The following GAB2 variants were observed in gnomAD, a reference collection of about 807,000 sequenced individuals.
GAB2 encodes the protein GRB2-associated-binding protein 2.
In GAB2, 26 loss-of-function variants were observed where a neutral mutation model predicts 65.5. That is an observed-to-expected ratio of 0.40 (90% CI 0.29 to 0.55). The LOEUF is 0.55. Among genes scored for constraint, GAB2 ranks in the 20% least tolerant of loss-of-function variants. GAB2 has a pLI of 0.53. For synonymous variants in GAB2, 321 were observed against 329.6 expected, an observed-to-expected ratio of 0.97 and a Z score of 0.28; for missense variants, 884 against 875.8, an observed-to-expected ratio of 1.01 and a Z score of -0.12.
chr11:78,226,998 G>A lies in GAB2; in HGVS notation c.674C>T (p.Thr225Ile), dbSNP rs762233222. ...TRASFLMRSD[T>I]AVQKLAQGNG... ...GCCCTGGGCAAGTTTTTGTACAGCT[G>A]TGTCACTCCTCATGAGAAAAGAGGC... The change falls in exon 4 of 10, where the codon ACA becomes ATA. Residue 225 changes from threonine (T) to isoleucine (I), a missense_variant. Coordinates refer to ENST00000361507, the MANE Select transcript of GAB2 (RefSeq NM_080491.3). 25 of 1,613,496 alleles carry A rather than the reference G, an allele frequency of 1.5e-5. No individual in the cohort carries two copies. The highest frequency in any genetic ancestry group is 1.9e-5 in the Non-Finnish European group (22 of 1,179,852).
At chr11:78,247,581 C>T (rs1024364424) in intron 3 of GAB2, among the ~76,000 whole-genome samples, 3 of 152,058 alleles carry the variant, frequency 2.0e-5, no homozygotes, top group South Asian at 2.1e-4. Flanking sequence ...TGAATATTCT[C>T]GACGATATAT....
chr11:78,347,520 T>C (rs1311939390), intron 1 of GAB2, among the ~76,000 whole-genome samples: 1 of 152,206 alleles, frequency 6.6e-6, no homozygotes, highest in Non-Finnish European at 1.5e-5. Flanking sequence ...AAAATAAGGA[T>C]AATTATCTTA....
At chr11:78,300,686 T>TG (rs1450709251) in intron 1 of GAB2, among the ~76,000 whole-genome samples, 1 of 122,536 alleles carries the variant, frequency 8.2e-6, no homozygotes, top group African/African-American at 3.5e-5. Context: ...TTTTTTTTGG[T>TG]TTTTTTTTGT....
chr11:78,374,785 A>C (rs560308255), intron 1 of GAB2, among the ~76,000 whole-genome samples: 13 of 152,202 alleles, frequency 8.5e-5, no homozygotes, highest in Non-Finnish European at 1.6e-4. Context: ...GGGTGGATAG[A>C]CACACCAGGA....
chr11:78,373,453 G>T (rs1028929860), intron 1 of GAB2, among the ~76,000 whole-genome samples: 7 of 152,014 alleles, frequency 4.6e-5, no homozygotes, highest in Non-Finnish European at 1.5e-5. Flanking sequence ...GGTCAGGCTG[G>T]TCTTGGACTA....
intron 3 of GAB2, among the ~76,000 whole-genome samples, chr11:78,228,422 T>A (rs1299362947): frequency 6.6e-6 from 1 of 152,192 alleles, no homozygotes; most frequent in Non-Finnish European, 1.5e-5. Flanking sequence ...TCTTGGAGTG[T>A]CTCATCAGAA....
At chr11:78,363,968 C>T (rs1290654719) in intron 1 of GAB2, 1 of 152,012 alleles carries the variant, frequency 6.6e-6, no homozygotes, top group African/African-American at 2.4e-5. Flanking sequence ...ACCCACAGAC[C>T]TAAGGGAAAG....
At chr11:78,392,197 C>A (rs1856842274) in intron 1 of GAB2, 1 of 150,790 alleles carries the variant, frequency 6.6e-6, no homozygotes, top group Non-Finnish European at 1.5e-5. Flanking sequence ...GAGATTCTGC[C>A]ACTGCACCAT....
At chr11:78,312,551 G>A (rs748556756) in intron 1 of GAB2, among the ~76,000 whole-genome samples, 1 of 151,870 alleles carries the variant, frequency 6.6e-6, no homozygotes, top group African/African-American at 2.4e-5. Flanking sequence ...TCAGCCTCCC[G>A]AGTAGCTGGG....
At chr11:78,369,683 T>G (rs1856542270) in intron 1 of GAB2, among the ~76,000 whole-genome samples, 1 of 152,210 alleles carries the variant, frequency 6.6e-6, no homozygotes, top group Non-Finnish European at 1.5e-5. Context: ...TCCAAAGGCA[T>G]TTATAAGGAT....
At chr11:78,247,114 T>G (rs756242489) in intron 3 of GAB2, among the ~76,000 whole-genome samples, 7 of 152,216 alleles carry the variant, frequency 4.6e-5, no homozygotes, top group Non-Finnish European at 8.8e-5. Flanking sequence ...CCATTTGCAC[T>G]GTGCTACTTT....
rs56709163 is a variant in GAB2, at chr11:78,322,298, CAAAAAAAAAAAAAAA to C, written c.76-41412_76-41398del. Among the ~76,000 whole-genome samples the C allele has an allele frequency of 4.1e-4, 5 of 12,064 alleles. No individual in the cohort carries two copies. The East Asian group carries it at 6.0e-3, about 15-fold the overall frequency. 7.9% of individuals were successfully genotyped at this position (12,064 alleles called of 152,430 possible). ...TGGCTGACAGAGGGAGACTCTGTCT[CAAAAAAAAAAAAAAA>C]AAAAAAAAAAAAAAAGTAAGATCTC... On this transcript the variant is annotated intron_variant, in intron 1 of 9. Transcript: ENST00000361507.
chr11:78,310,385 C>A (rs1176069540), intron 1 of GAB2, among the ~76,000 whole-genome samples: 2 of 149,740 alleles, frequency 1.3e-5, no homozygotes, highest in Non-Finnish European at 3.0e-5. Context: ...CGGTGGTGGG[C>A]GCCTGTAGTC....
At chr11:78,401,309 T>C (rs1277333282) in intron 1 of GAB2, among the ~76,000 whole-genome samples, 1 of 152,174 alleles carries the variant, frequency 6.6e-6, no homozygotes, top group African/African-American at 2.4e-5. Context: ...CCCCTACCCC[T>C]AGCCCCTGGC....
At chr11:78,319,662 T>C (rs1055095062) in intron 1 of GAB2, among the ~76,000 whole-genome samples, 2 of 152,214 alleles carry the variant, frequency 1.3e-5, no homozygotes, top group African/African-American at 2.4e-5. Flanking sequence ...TGACTAATCA[T>C]ACTTAGCAGA....
At chr11:78,276,254 T>A (rs2134576532) in intron 2 of GAB2, among the ~76,000 whole-genome samples, 1 of 152,126 alleles carries the variant, frequency 6.6e-6, no homozygotes, top group East Asian at 1.9e-4. Context: ...GAGCTGTGAT[T>A]ATGCCACTAT....
intron 1 of GAB2, among the ~76,000 whole-genome samples, chr11:78,296,248 G>A (rs977271638): frequency 6.6e-6 from 1 of 152,208 alleles, no homozygotes; most frequent in Non-Finnish European, 1.5e-5. Context: ...GGCCCAGGGG[G>A]CTGGGGACCC....
rs1468569037 is a variant in GAB2 at position 78,217,243 on chromosome 11, G to C, written c.*2029C>G. 1 of 152,266 alleles carries C rather than the reference G, an allele frequency of 6.6e-6. No homozygotes were observed. Among genetic ancestry groups the C allele is most frequent in the African/African-American group, 2.4e-5 (1 of 41,424 alleles). The allele number at this position is 152,266 out of a possible 1,614,324, so 9.4% of individuals were successfully genotyped here. On this transcript the variant is annotated 3_prime_UTR_variant, in exon 10 of 10. Coordinates refer to ENST00000361507, the MANE Select transcript of GAB2 (RefSeq NM_080491.3). ...GCCATCACCACTGTCTCATGTCCTTGTCCTTTTTCTGATTGTGGCTATCTT... is the reference window on the plus strand; with the variant it reads ...GCCATCACCACTGTCTCATGTCCTTCTCCTTTTTCTGATTGTGGCTATCTT...
intron 1 of GAB2, among the ~76,000 whole-genome samples, chr11:78,312,730 A>T (rs1418277866): frequency 2.0e-5 from 3 of 152,258 alleles, no homozygotes; most frequent in East Asian, 3.9e-4. Flanking sequence ...CGCCTGGCCT[A>T]TTATCCAATT....
Sources: allele counts gnomAD v4.1 joint callset (sites outside exome capture counted in the v4.1 genomes callset), GRCh38; gene constraint gnomAD v4.1.1; transcripts MANE v1.5; gene names NCBI Gene and HGNC (gene_info 2026-07-23, HGNC 2026-07-21).